DAXX: variants seen among roughly 807,000 people sequenced by gnomAD.
DAXX encodes death domain associated protein.
DAXX carries 24 observed loss-of-function variants against 61.9 expected under a neutral mutation model. The ratio of observed to expected loss-of-function variants is 0.39; its 90% CI spans 0.28 to 0.55. The LOEUF is 0.55. Among genes scored for constraint, DAXX ranks in the 20% least tolerant of loss-of-function variants. The pLI is 0.69. For synonymous variants in DAXX, 357 were observed against 369.5 expected, an observed-to-expected ratio of 0.97 and a Z score of 0.39; for missense variants, 819 against 935.3, an observed-to-expected ratio of 0.88 and a Z score of 1.62.
In DAXX at chr6:33,319,855, C is replaced by T. The variant is rs1217383193; in HGVS notation, c.1466-1G>A. The stretch of plus-strand genomic sequence containing the variant: ...ATGGGGCTCTTGTCTCCATCTTTAC[C>T]TGGAAAAGAAGAAAAGGGGAGAGGG... On this transcript the variant is annotated splice_acceptor_variant, in intron 5 of 7. Coordinates refer to ENST00000374542, the MANE Select transcript of DAXX (RefSeq NM_001141969.2). LOFTEE classifies it high-confidence loss of function. 1 of 1,604,150 alleles carries T rather than the reference C, an allele frequency of 6.2e-7. No individual in the cohort carries two copies. Among genetic ancestry groups the T allele is most frequent in the Admixed American group, 1.7e-5 (1 of 58,246 alleles).
At position 33,319,146 on chromosome 6, in the gene DAXX, G is replaced by C; in HGVS notation, c.2014C>G (p.Pro672Ala). The C allele has an allele frequency of 6.2e-7, 1 of 1,614,188 alleles. No homozygotes were observed. The highest frequency in any genetic ancestry group is 8.5e-7 in the Non-Finnish European group (1 of 1,180,024). Reference sequence around the variant, plus strand: ...GCAACTGGGGCCAAGGAAGCCAAGGGGGAAGGTGGGCTGGGCAGGGTACAT... The same window carrying C: ...GCAACTGGGGCCAAGGAAGCCAAGGCGGAAGGTGGGCTGGGCAGGGTACAT... ...KICTLPSPPS[P>A]LASLAPVADS... Residue 672 changes from proline to alanine, a missense_variant, in exon 7 of 8, where the codon CCC becomes GCC. By Grantham distance (27) the Pro-to-Ala change is conservative. Transcript: ENST00000374542.
rs768030933 is a variant in DAXX at position 33,321,124 on chromosome 6, G to A, written c.651C>T (p.Asp217=). 6 of 1,612,828 alleles carry A rather than the reference G, an allele frequency of 3.7e-6. No homozygotes were observed. In the African/African-American group the frequency reaches 6.7e-5, roughly 18 times the overall value. The change falls in exon 3 of 8, where the codon GAC becomes GAT. Residue 217 remains aspartate, a synonymous_variant. Transcript: ENST00000374542. This position sits in a 1 kb window ranked among gnomAD's most constrained non-coding sequence, Gnocchi z 7.2. ...CCTCCTGCAGGTATGCGGAGTCTGGGTCATCCAATTCTGAGAGATCCAACT... is the reference window on the plus strand; with the variant it reads ...CCTCCTGCAGGTATGCGGAGTCTGGATCATCCAATTCTGAGAGATCCAACT... ...EKELDLSELD[D]PDSAYLQEAR...
Position 33,320,634 on chromosome 6 carries a change from G to C in DAXX, c.1040-43C>G. On this transcript the variant is annotated intron_variant, in intron 3 of 7. Transcript: ENST00000374542. The surrounding 1 kb of genome is among the most constrained non-coding windows in gnomAD (Gnocchi z 7.1). ...AAGTCAGAGCACTCAGCCCTTGAAG[G>C]GACTAGAAGAGTAAAAACCCTAGAA... The C allele has an allele frequency of 6.2e-7, 1 of 1,605,332 alleles. No individual in the cohort carries two copies. Among genetic ancestry groups the C allele is most frequent in the East Asian group, 2.2e-5 (1 of 44,816 alleles).
chr6:33,318,959 A>G (rs1391173529), intron 7 of DAXX, 38 bp downstream of exon 7: 1 of 1,563,752 alleles, frequency 6.4e-7, no homozygotes, highest in East Asian at 2.3e-5. Flanking sequence ...AATGAAAGAG[A>G]ACAAATTGTC....
rs1702564127 is a variant in DAXX at position 33,320,011 on chromosome 6, C to G, written c.1465G>C (p.Gly489Arg). 2 of 1,613,960 alleles carry G rather than the reference C, an allele frequency of 1.2e-6. No individual in the cohort carries two copies. The highest frequency in any genetic ancestry group is 1.7e-6 in the Non-Finnish European group (2 of 1,179,930). Residue 489 changes from glycine (G) to arginine (R), a missense_variant and splice_region_variant, in exon 5 of 8, where the codon GGT becomes CGT. By Grantham distance (125) the Gly-to-Arg change is moderately radical. Transcript: ENST00000374542. This position sits in a 1 kb window ranked among gnomAD's most constrained non-coding sequence, Gnocchi z 7.1. ...TGAGGAGAATGTTCCCTTGACATAC[C>G]TGCTGCTGCTTCTTCCTCTTCGTCC... ...EEDEEEEAAA[G>R]KDGDKSPMSS... is the part of the protein sequence containing the mutation.
intron 6 of DAXX, 50 bp from the exon 7 acceptor site, chr6:33,319,269 G>A: frequency 6.4e-7 from 1 of 1,565,544 alleles, no homozygotes; most frequent in South Asian, 1.2e-5. Flanking sequence ...GACTGAGGCT[G>A]GAGGGGGGCA....
chr6:33,318,886 TG>T, intron 7 of DAXX, 84 bp from the exon 8 acceptor site: 1 of 1,261,922 alleles, frequency 7.9e-7, no homozygotes, highest in Non-Finnish European at 1.1e-6. Flanking sequence ...ATAAAATGGG[TG>T]GGAAAAAGGA....
chr6:33,319,874 G>A lies in DAXX; in HGVS notation c.1466-20C>T, dbSNP rs747802784. On this transcript the variant is annotated intron_variant, in intron 5 of 7. Transcript: ENST00000374542. The stretch of plus-strand genomic sequence containing the variant: ...CTTTACCTGGAAAAGAAGAAAAGGG[G>A]AGAGGGTAGCCTGAGAATGAGGGGG... The A allele has an allele frequency of 6.2e-7, 1 of 1,601,934 alleles. No individual in the cohort carries two copies. Among genetic ancestry groups the A allele is most frequent in the Non-Finnish European group, 8.5e-7 (1 of 1,174,012 alleles).
At position 33,320,161 on chromosome 6, in the gene DAXX, C is replaced by G; in HGVS notation, c.1315G>C (p.Asp439His). ...TCTTCCTCATCACTCTCCTCATCGTCTTCGTCATCTGTCTCAGCTCTGGAG... is the reference window on the plus strand; with the variant it reads ...TCTTCCTCATCACTCTCCTCATCGTGTTCGTCATCTGTCTCAGCTCTGGAG... ...SASRAETDDEDDEESDEEEEE... is the reference protein window; with the variant it reads ...SASRAETDDEHDEESDEEEEE... Residue 439 changes from aspartate (D) to histidine (H), a missense_variant, in exon 5 of 8, where the codon GAC (aspartate) becomes CAC (histidine). Asp to His is a moderately conservative substitution (Grantham distance 81). Coordinates refer to ENST00000374542, the MANE Select transcript of DAXX (RefSeq NM_001141969.2). This position sits in a 1 kb window ranked among gnomAD's most constrained non-coding sequence, Gnocchi z 7.1. 6.2e-7 allele frequency: 1 copy of G among 1,614,092 alleles called. No individual in the cohort carries two copies. The highest frequency in any genetic ancestry group is 8.5e-7 in the Non-Finnish European group (1 of 1,179,980).
chr6:33,322,150 G>GGT lies in DAXX; in HGVS notation c.-52-175_-52-174dup, dbSNP rs895946923. 7.3e-4 allele frequency: 295 copies of GGT among 403,030 alleles called. 3 individuals carry two copies. Among genetic ancestry groups the GGT allele is most frequent in the East Asian group, 6.6e-3 (173 of 26,204 alleles). 25.0% of individuals were successfully genotyped at this position (403,030 alleles called of 1,614,324 possible). ...ATATGCTTTTTGGGGCCCTTCAAGTGGTGTGGGGGGGGGGCAAACCACCCC... is the reference window on the plus strand; with the variant it reads ...ATATGCTTTTTGGGGCCCTTCAAGTGGTGTGTGGGGGGGGGGCAAACCACCCC... On this transcript the variant is annotated intron_variant, in intron 1 of 7. Transcript: ENST00000374542.
In DAXX at chr6:33,320,024, T is replaced by TTCCTCTTCGTCC; in HGVS notation, c.1440_1451dup (p.Asp481_Glu484dup). 6.2e-7 allele frequency: 1 copy of TTCCTCTTCGTCC among 1,613,782 alleles called. No homozygotes were observed. The highest frequency in any genetic ancestry group is 1.7e-5 in the Admixed American group (1 of 59,930). ...CCCTTGACATACCTGCTGCTGCTTC[T>TTCCTCTTCGTCC]TCCTCTTCGTCCTCCTCTTCATCAT... is the stretch of plus-strand genomic sequence containing the variant. On this transcript the variant is annotated inframe_insertion, in exon 5 of 8. Transcript: ENST00000374542. The surrounding 1 kb of genome is among the most constrained non-coding windows in gnomAD (Gnocchi z 7.1).
At chr6:33,319,959 C>G in intron 5 of DAXX, 52 bp downstream of exon 5, 1 of 1,611,100 alleles carries the variant, frequency 6.2e-7, no homozygotes, top group Non-Finnish European at 8.5e-7. Flanking sequence ...ACAGGTGGCT[C>G]ATGCCTAACA....
At chr6:33,322,289 A>C (rs1186873152) in intron 1 of DAXX, among the ~76,000 whole-genome samples, 2 of 150,310 alleles carry the variant, frequency 1.3e-5, no homozygotes, top group Admixed American at 6.6e-5. Context: ...CCCACACTGC[A>C]CCCCAAATCG....
Position 33,318,755 on chromosome 6 carries a change from T to C in DAXX, c.2211A>G (p.Ser737=), listed in dbSNP as rs1370869977. ...GAAGGGGAGGCAGCTAATCAGAGTC[T>C]GAGAGCACGATGATCTCTTCTGGAT... ...QCDPEEIIVL[S]DSD Residue 737 remains serine (S), a synonymous_variant, in exon 8 of 8, where the codon TCA becomes TCG. Transcript: ENST00000374542. The C allele has an allele frequency of 6.5e-7, 1 of 1,529,424 alleles. No homozygotes were observed. Among genetic ancestry groups the C allele is most frequent in the Non-Finnish European group, 8.9e-7 (1 of 1,119,864 alleles). The allele number at this position is 1,529,424 out of a possible 1,614,324, so 94.7% of individuals were successfully genotyped here.
In DAXX at chr6:33,318,752, G is replaced by A; in HGVS notation, c.2214C>T (p.Asp738=). Residue 738 remains aspartate (D), a synonymous_variant, in exon 8 of 8, where the codon GAC becomes GAT. Coordinates refer to ENST00000374542, the MANE Select transcript of DAXX (RefSeq NM_001141969.2). ...GGAGAAGGGGAGGCAGCTAATCAGA[G>A]TCTGAGAGCACGATGATCTCTTCTG... ...CDPEEIIVLS[D]SD is the part of the protein sequence containing the mutation. 11 of 1,521,746 alleles carry A rather than the reference G, an allele frequency of 7.2e-6. No individual in the cohort carries two copies. Among genetic ancestry groups the A allele is most frequent in the Non-Finnish European group, 9.9e-6 (11 of 1,113,084 alleles). The allele number at this position is 1,521,746 out of a possible 1,614,324, so 94.3% of individuals were successfully genotyped here.
chr6:33,321,694 A>G lies in DAXX; in HGVS notation c.207+25T>C. The stretch of plus-strand genomic sequence containing the variant: ...TCAGCCATCCCCCTCCCTGGGGTAC[A>G]ACAATCTTCCCCGCTAAAGCTCACC... On this transcript the variant is annotated intron_variant, in intron 2 of 7. Coordinates refer to ENST00000374542, the MANE Select transcript of DAXX (RefSeq NM_001141969.2). The surrounding 1 kb of genome is among the most constrained non-coding windows in gnomAD (Gnocchi z 7.2). The G allele has an allele frequency of 6.2e-7, 1 of 1,611,244 alleles. No individual in the cohort carries two copies. Among genetic ancestry groups the G allele is most frequent in the South Asian group, 1.1e-5 (1 of 91,038 alleles).
At chr6:33,322,625 G>T in intron 1 of DAXX, 1 of 305,572 alleles carries the variant, frequency 3.3e-6, no homozygotes, top group Non-Finnish European at 6.5e-6. Flanking sequence ...AAGTCCCCCC[G>T]CACCGCGCTA....
chr6:33,319,242 G>A, intron 6 of DAXX, 23 bp from the exon 7 acceptor site: 1 of 1,580,930 alleles, frequency 6.3e-7, no homozygotes, highest in South Asian at 1.2e-5. Flanking sequence ...ACATAAATAT[G>A]TGGAGGGGTA....
In DAXX at chr6:33,318,821, C is replaced by T. The variant is rs2150986154; in HGVS notation, c.2164-19G>A. ...CACTTGTCTGCAGGGAAGTGAGAGA[C>T]AAAGAGTCAAAGAGATCTGGAGTAC... On this transcript the variant is annotated intron_variant, in intron 7 of 7. Coordinates refer to ENST00000374542, the MANE Select transcript of DAXX (RefSeq NM_001141969.2). 7.0e-7 allele frequency: 1 copy of T among 1,429,378 alleles called. No homozygotes were observed. Among genetic ancestry groups the T allele is most frequent in the Admixed American group, 2.0e-5 (1 of 50,650 alleles). 88.5% of individuals were successfully genotyped at this position (1,429,378 alleles called of 1,614,324 possible).
Sources: allele counts gnomAD v4.1 joint callset (sites outside exome capture counted in the v4.1 genomes callset), GRCh38; gene constraint gnomAD v4.1.1; non-coding constraint Gnocchi (gnomAD v3.1); transcripts MANE v1.5; gene names NCBI Gene and HGNC (gene_info 2026-07-23, HGNC 2026-07-21).